Variants in TEX14 observed in about 807,000 individuals in gnomAD.
TEX14 encodes testis expressed 14, intercellular bridge forming factor.
A neutral mutation model predicts 178.6 loss-of-function variants in TEX14; 168 were observed. The ratio of observed to expected loss-of-function variants is 0.94; its 90% confidence interval spans 0.83 to 1.07. TEX14 has a LOEUF of 1.07. Among genes scored for constraint, TEX14 ranks in the 50% least tolerant of loss-of-function variants. The pLI is 0.00. For synonymous variants in TEX14, 626 were observed against 634.1 expected (o/e 0.99, Z 0.19); for missense variants, 1,730 against 1,753.6 (o/e 0.99, Z 0.24).
intron 4 of TEX14, among the ~76,000 whole-genome samples, chr17:58,622,529 G>A (rs765088244): frequency 1.3e-5 from 2 of 151,628 alleles, no homozygotes; most frequent in African/African-American, 2.4e-5. Flanking sequence ...GACATTAATA[G>A]TACTTACCTG....
intron 17 of TEX14, among the ~76,000 whole-genome samples, chr17:58,587,245 T>C (rs1024022432): frequency 2.6e-5 from 4 of 152,198 alleles, no homozygotes; most frequent in African/African-American, 4.8e-5. Flanking sequence ...AAAGTCGTAG[T>C]TTGCTTAAAG....
intron 1 of TEX14, among the ~76,000 whole-genome samples, chr17:58,686,787 G>A (rs888118633): frequency 6.7e-6 from 1 of 150,302 alleles, no homozygotes; most frequent in African/African-American, 2.4e-5. Context: ...TTTATTCAGA[G>A]GTTTTTCTCC....
chr17:58,593,483 A>C, intron 15 of TEX14, 72 bp downstream of exon 15: 2 of 1,134,578 alleles, frequency 1.8e-6, no homozygotes, highest in Non-Finnish European at 2.7e-6. Flanking sequence ...TAAGAAGATC[A>C]CTGAGTGGCC....
chr17:58,566,153 G>T (rs1381469106), intron 26 of TEX14, among the ~76,000 whole-genome samples: 3 of 152,136 alleles, frequency 2.0e-5, no homozygotes, highest in African/African-American at 7.2e-5. Context: ...AAATGATGAT[G>T]ATCATACATA....
intron 2 of TEX14, among the ~76,000 whole-genome samples, chr17:58,643,952 C>A (rs982007054): frequency 8.6e-5 from 13 of 151,314 alleles, no homozygotes; most frequent in Non-Finnish European, 1.3e-4. Flanking sequence ...CCCCGCCCCC[C>A]CCAAATACCT....
intron 1 of TEX14, among the ~76,000 whole-genome samples, chr17:58,689,227 A>T (rs1234926099): frequency 6.8e-6 from 1 of 147,320 alleles, no homozygotes. Flanking sequence ...ACGCTCAGCT[A>T]ATTTATTTAT....
chr17:58,634,658 G>A (rs1426986875), intron 2 of TEX14, among the ~76,000 whole-genome samples: 1 of 152,152 alleles, frequency 6.6e-6, no homozygotes, highest in African/African-American at 2.4e-5. Context: ...GAGAAGAGCA[G>A]CAGAGAACAG....
intron 1 of TEX14, among the ~76,000 whole-genome samples, chr17:58,681,069 G>A (rs975229701): frequency 2.0e-5 from 3 of 152,034 alleles, no homozygotes; most frequent in Admixed American, 6.6e-5. Flanking sequence ...ATCACCTGAG[G>A]TCAGGAGTTC....
intron 6 of TEX14, among the ~76,000 whole-genome samples, chr17:58,616,845 T>TTGC (rs1555572915): frequency 6.6e-6 from 1 of 152,238 alleles, no homozygotes; most frequent in Non-Finnish European, 1.5e-5. Context: ...TCAAGTGCCA[T>TTGC]TGCTGGGACT....
intron 2 of TEX14, among the ~76,000 whole-genome samples, chr17:58,643,158 G>A (rs2046613235): frequency 1.3e-5 from 2 of 152,146 alleles, no homozygotes; most frequent in Non-Finnish European, 2.9e-5. Flanking sequence ...CTGACCTGTT[G>A]GGAACAACCT....
chr17:58,558,109 A>G (rs1378127947), intron 30 of TEX14, among the ~76,000 whole-genome samples: 1 of 152,220 alleles, frequency 6.6e-6, no homozygotes, highest in Non-Finnish European at 1.5e-5. Flanking sequence ...CAGTGAAATC[A>G]ATACTATTAA....
rs748410491 is a variant in TEX14 at position 58,615,200 on chromosome 17, G to C, written c.881+32C>G. 3.8e-6 allele frequency: 5 copies of C among 1,306,546 alleles called. No homozygotes were observed. In the Middle Eastern group the frequency reaches 7.7e-4, roughly 200 times the overall value. 80.9% of individuals were successfully genotyped at this position (1,306,546 alleles called of 1,614,324 possible). Reference sequence around the variant, plus strand: ...GAACCTGAGTCTGTAGAGAGACCTGGACCTATAAGGGGCCTTGGGCTTCCT... The same window carrying C: ...GAACCTGAGTCTGTAGAGAGACCTGCACCTATAAGGGGCCTTGGGCTTCCT... On this transcript the variant is annotated intron_variant, in intron 8 of 31. Coordinates refer to ENST00000349033, the MANE Select transcript of TEX14 (RefSeq NM_031272.5).
intron 10 of TEX14, among the ~76,000 whole-genome samples, chr17:58,608,128 C>T (rs1020682980): frequency 6.6e-6 from 1 of 151,674 alleles, no homozygotes; most frequent in African/African-American, 2.4e-5. Context: ...ATAAAAAATA[C>T]AAAAATTGGC....
intron 5 of TEX14, among the ~76,000 whole-genome samples, chr17:58,621,125 C>T (rs1187263565): frequency 6.6e-6 from 1 of 152,156 alleles, no homozygotes; most frequent in Non-Finnish European, 1.5e-5. Flanking sequence ...CCAAGCTTAA[C>T]CCTGAGCATG....
intron 1 of TEX14, among the ~76,000 whole-genome samples, chr17:58,670,796 A>AAAAAAAAAAAAAAAT (rs2047293020): frequency 6.6e-6 from 1 of 151,204 alleles, no homozygotes; most frequent in African/African-American, 2.4e-5. Flanking sequence ...AAAAAAAAAA[A>AAAAAAAAAAAAAAAT]AAAAGTGACT....
chr17:58,670,771 TTA>T (rs1469701713), intron 1 of TEX14, among the ~76,000 whole-genome samples: 1,816 of 7,906 alleles, frequency 0.23, 247 homozygotes, highest in Middle Eastern at 1. Context: ...AGACTCCCTC[TTA>T]AAAAAAAAAA....
intron 29 of TEX14, among the ~76,000 whole-genome samples, chr17:58,560,931 C>CAG (rs1317022489): frequency 6.6e-6 from 1 of 152,222 alleles, no homozygotes; most frequent in Non-Finnish European, 1.5e-5. Flanking sequence ...CCCATGCCTT[C>CAG]CTCAGGAAGA....
chr17:58,646,653 G>A (rs2046714714), intron 2 of TEX14, among the ~76,000 whole-genome samples: 1 of 152,018 alleles, frequency 6.6e-6, no homozygotes, highest in Non-Finnish European at 1.5e-5. Flanking sequence ...CTTCTTCCTT[G>A]AGGTCCTGGC....
rs749068373 is a variant in TEX14 at position 58,559,523 on chromosome 17, T to C, written c.4197A>G (p.Lys1399=). 3 of 1,580,528 alleles carry C rather than the reference T, an allele frequency of 1.9e-6. No individual in the cohort carries two copies. In the South Asian group the frequency reaches 3.3e-5, roughly 18 times the overall value. Reference sequence around the variant, plus strand: ...GTGTAATGCTATCTTCCCTTTTTCTTTTCTCTTCACCAACTTTTTGATCTT... The same window carrying C: ...GTGTAATGCTATCTTCCCTTTTTCTCTTCTCTTCACCAACTTTTTGATCTT... ...NIKDQKVGEE[K]RKREDSITPE... The change falls in exon 30 of 32, where the codon AAA becomes AAG. Residue 1399 remains lysine, a synonymous_variant. Coordinates refer to ENST00000349033, the MANE Select transcript of TEX14 (RefSeq NM_031272.5).
Sources: allele counts gnomAD v4.1 joint callset (sites outside exome capture counted in the v4.1 genomes callset), GRCh38; gene constraint gnomAD v4.1.1; transcripts MANE v1.5; gene names NCBI Gene and HGNC (gene_info 2026-07-23, HGNC 2026-07-21).